The following TBK1 variants were observed in gnomAD, a reference collection of about 807,000 sequenced individuals.
TBK1 encodes serine/threonine-protein kinase TBK1.
TBK1 carries 37 observed loss-of-function variants against 99.9 expected under a neutral mutation model. The observed-to-expected ratio is 0.37, with a 90% CI of 0.28 to 0.49. The LOEUF is 0.49. Among genes scored for constraint, TBK1 ranks in the 20% least tolerant of loss-of-function variants. The probability of loss-of-function intolerance (pLI) is 0.98; values close to 1 mark genes in which losing one functional copy is unlikely to be tolerated. For missense variants in TBK1, 644 were observed against 872.5 expected (o/e 0.74, Z 3.30); for synonymous variants, 258 against 279.8 (o/e 0.92, Z 0.78).
intron 4 of TBK1, 91 bp downstream of exon 4, chr12:64,464,554 T>TG: frequency 1.0e-6 from 1 of 987,184 alleles, no homozygotes. Flanking sequence ...CTGAAGACCT[T>TG]TATGCAATGC....
intron 2 of TBK1, among the ~76,000 whole-genome samples, chr12:64,459,240 G>T (rs1005292682): frequency 6.6e-6 from 1 of 152,180 alleles, no homozygotes; most frequent in Non-Finnish European, 1.5e-5. Flanking sequence ...ATAAATGGGG[G>T]AAAATGTAAG....
At chr12:64,458,238 A>G (rs2040510110) in intron 2 of TBK1, among the ~76,000 whole-genome samples, 1 of 152,280 alleles carries the variant, frequency 6.6e-6, no homozygotes, top group Admixed American at 6.5e-5. Context: ...GCAACTGTTT[A>G]GGACTATATC....
chr12:64,499,693 CTT>C (rs56725684), intron 20 of TBK1, among the ~76,000 whole-genome samples: 2 of 82,940 alleles, frequency 2.4e-5, no homozygotes, highest in African/African-American at 4.9e-5. Flanking sequence ...TAAAGATGTG[CTT>C]TTTTTTTTTT....
intron 1 of TBK1, 55 bp downstream of exon 1, chr12:64,452,242 C>G (rs2040434080): frequency 6.6e-6 from 1 of 152,066 alleles, no homozygotes; most frequent in Non-Finnish European, 1.5e-5. Flanking sequence ...CGCGGTCGGT[C>G]AGGCCTGCGC....
intron 13 of TBK1, among the ~76,000 whole-genome samples, chr12:64,491,672 C>T (rs1010051745): frequency 2.0e-5 from 3 of 151,990 alleles, no homozygotes; most frequent in Admixed American, 6.6e-5. Flanking sequence ...TTTTAGTATT[C>T]GAAGTATTCT....
chr12:64,493,630 A>T (rs888441705), intron 13 of TBK1, among the ~76,000 whole-genome samples: 3 of 150,082 alleles, frequency 2.0e-5, no homozygotes, highest in Non-Finnish European at 3.0e-5. Context: ...CTCAAAAAAT[A>T]AAAAAAAAGT....
intron 13 of TBK1, among the ~76,000 whole-genome samples, chr12:64,491,111 A>G (rs557725436): frequency 6.6e-6 from 1 of 152,226 alleles, no homozygotes; most frequent in Admixed American, 6.5e-5. Context: ...TCTTATTAAC[A>G]TGTATTATAG....
intron 3 of TBK1, among the ~76,000 whole-genome samples, chr12:64,463,639 C>T (rs2040572207): frequency 6.9e-6 from 1 of 144,116 alleles, no homozygotes; most frequent in Admixed American, 7.2e-5. Flanking sequence ...GTGGAGGTTG[C>T]AGTGAGCCAA....
intron 3 of TBK1, among the ~76,000 whole-genome samples, chr12:64,461,257 A>G (rs1180897651): frequency 6.6e-6 from 1 of 152,244 alleles, no homozygotes; most frequent in East Asian, 1.9e-4. Context: ...AAAAATTTCA[A>G]GAGTCCTACA....
At chr12:64,487,413 T>C (rs2040830358) in intron 11 of TBK1, among the ~76,000 whole-genome samples, 1 of 152,212 alleles carries the variant, frequency 6.6e-6, no homozygotes, top group Non-Finnish European at 1.5e-5. Flanking sequence ...ATCACTCTTT[T>C]TAGGCTCCTT....
chr12:64,489,573 GT>G (rs201362644), intron 12 of TBK1, among the ~76,000 whole-genome samples: 213 of 139,494 alleles, frequency 1.5e-3, no homozygotes, highest in Middle Eastern at 7.5e-3. Flanking sequence ...TGTTTTTTTG[GT>G]TTTTTTTTTT....
At chr12:64,482,592 A>T (rs1326077234) in intron 8 of TBK1, among the ~76,000 whole-genome samples, 2 of 152,220 alleles carry the variant, frequency 1.3e-5, no homozygotes, top group African/African-American at 4.8e-5. Flanking sequence ...GATGGACCAT[A>T]TATACAACAC....
rs1429417149 is a variant in TBK1, at chr12:64,480,075, A to G, written c.765A>G (p.Gly255=). 6.2e-7 allele frequency: 1 copy of G among 1,613,180 alleles called. No individual in the cohort carries two copies. Residue 255 remains glycine (G), a synonymous_variant, in exon 7 of 21, where the codon GGA becomes GGG. Coordinates refer to ENST00000331710, the MANE Select transcript of TBK1 (RefSeq NM_013254.4). ...CTGGAGTACAGAAAGCAGAAAATGG[A>G]CCAATTGACTGGAGTGGAGACATGC... The part of the protein sequence containing the change: ...AISGVQKAEN[G]PIDWSGDMPV...
intron 20 of TBK1, among the ~76,000 whole-genome samples, chr12:64,498,513 G>A (rs1482904133): frequency 2.6e-5 from 4 of 152,238 alleles, no homozygotes; most frequent in Non-Finnish European, 4.4e-5. Context: ...GCCTGCAGAG[G>A]CAATAAAGCA....
At chr12:64,471,767 C>T (rs2040664609) in intron 5 of TBK1, among the ~76,000 whole-genome samples, 1 of 152,192 alleles carries the variant, frequency 6.6e-6, no homozygotes, top group African/African-American at 2.4e-5. Flanking sequence ...GGCCCAGTAA[C>T]ACCAAGCCAG....
Position 64,457,786 on chromosome 12 carries a change from G to GT in TBK1, c.87+1830dup, listed in dbSNP as rs567707944. On this transcript the variant is annotated intron_variant, in intron 2 of 20. Transcript: ENST00000331710. ...TTCTTCATGTAAGTGACTACACATA[G>GT]TATGCACTCTGTAAATGTTTGCTGA... Among the ~76,000 whole-genome samples the GT allele has an allele frequency of 9.2e-5, 14 of 152,214 alleles. No individual in the cohort carries two copies. In the East Asian group the frequency reaches 2.7e-3, roughly 29 times the overall value.
chr12:64,487,934 AT>A (rs2040834683), intron 11 of TBK1, among the ~76,000 whole-genome samples: 2 of 152,242 alleles, frequency 1.3e-5, no homozygotes, highest in Non-Finnish European at 2.9e-5. Flanking sequence ...CTAATAAAAA[AT>A]ATTCCAAAAG....
At chr12:64,457,186 G>A (rs1053705817) in intron 2 of TBK1, among the ~76,000 whole-genome samples, 1 of 152,116 alleles carries the variant, frequency 6.6e-6, no homozygotes, top group Non-Finnish European at 1.5e-5. Context: ...TGTCAGTGAC[G>A]ATGAGATAAG....
At chr12:64,496,483 G>T in intron 16 of TBK1, 77 bp downstream of exon 16, 1 of 676,174 alleles carries the variant, frequency 1.5e-6, no homozygotes, top group Non-Finnish European at 2.3e-6. Flanking sequence ...TCTTCTTAAA[G>T]TTGAAATTAA....
Sources: allele counts gnomAD v4.1 joint callset (sites outside exome capture counted in the v4.1 genomes callset), GRCh38; gene constraint gnomAD v4.1.1; transcripts MANE v1.5; gene names NCBI Gene and HGNC (gene_info 2026-07-23, HGNC 2026-07-21).